SCHIP1: variants seen among roughly 807,000 people sequenced by gnomAD.
The protein encoded by SCHIP1 is schwannomin-interacting protein 1.
SCHIP1 carries 8 observed loss-of-function variants against 29.7 expected under a neutral mutation model. That is an observed-to-expected ratio of 0.27 (90% CI 0.16 to 0.49). The LOEUF (loss-of-function observed/expected upper bound fraction) is 0.49. Ranked by LOEUF, SCHIP1 falls within the 20% of genes least tolerant of loss-of-function variation. The probability of loss-of-function intolerance (pLI) is 0.99; values close to 1 mark genes in which losing one functional copy is unlikely to be tolerated. For missense variants in SCHIP1, 193 were observed against 294.6 expected (o/e 0.66, Z 2.52); for synonymous variants, 76 against 94.9 (o/e 0.80, Z 1.16).
the SCHIP1 span, among the ~76,000 whole-genome samples, chr3:159,694,249 C>T: frequency 2.0e-5 from 3 of 152,066 alleles, 1 homozygote; most frequent in Middle Eastern, 6.8e-3. Context: ...TAACCCTAAC[C>T]CTAACCCTAA....
At chr3:159,507,851 C>T in the SCHIP1 span, among the ~76,000 whole-genome samples, 39 of 152,278 alleles carry the variant, frequency 2.6e-4, no homozygotes, top group Admixed American at 2.0e-3. Flanking sequence ...TTTTGATGTC[C>T]TGCTGGATTC....
chr3:159,401,357 T>C, the SCHIP1 span: 2 of 973,152 alleles, frequency 2.1e-6, no homozygotes, highest in Non-Finnish European at 1.2e-6. Flanking sequence ...TGGGATGTAG[T>C]TCTAATGTAA....
the SCHIP1 span, among the ~76,000 whole-genome samples, chr3:159,599,007 T>C: frequency 6.6e-6 from 1 of 152,196 alleles, no homozygotes; most frequent in Non-Finnish European, 1.5e-5. Flanking sequence ...AAAGTCTATT[T>C]TATGTAATGT....
At chr3:159,284,863 GT>G in the SCHIP1 span, among the ~76,000 whole-genome samples, 2 of 152,060 alleles carry the variant, frequency 1.3e-5, no homozygotes, top group South Asian at 2.1e-4. Context: ...TAATTTATTT[GT>G]TTTGATGAAT....
At chr3:159,561,949 T>C in the SCHIP1 span, among the ~76,000 whole-genome samples, 2 of 152,236 alleles carry the variant, frequency 1.3e-5, no homozygotes, top group Non-Finnish European at 2.9e-5. Flanking sequence ...ACTTGAGCTT[T>C]ATATTTGTGA....
chr3:159,667,131 G>A, the SCHIP1 span, among the ~76,000 whole-genome samples: 1 of 152,202 alleles, frequency 6.6e-6, no homozygotes, highest in African/African-American at 2.4e-5. Flanking sequence ...AGTAGAGGGG[G>A]AGTGAGAACT....
intron 5 of SCHIP1, among the ~76,000 whole-genome samples, chr3:159,890,000 CAGG>C (rs1182353491): frequency 1.3e-5 from 2 of 151,654 alleles, no homozygotes; most frequent in Admixed American, 1.3e-4. Flanking sequence ...GAGGCTGAGG[CAGG>C]AGAATGGCGT....
At chr3:159,660,514 T>C in the SCHIP1 span, among the ~76,000 whole-genome samples, 1 of 152,130 alleles carries the variant, frequency 6.6e-6, no homozygotes, top group Admixed American at 6.5e-5. Context: ...TATATACACA[T>C]ACAGATCTAA....
the SCHIP1 span, among the ~76,000 whole-genome samples, chr3:159,801,245 A>G: frequency 1.3e-5 from 2 of 152,232 alleles, no homozygotes. Flanking sequence ...GGATGGTAAC[A>G]GTTACTGTAA....
At chr3:159,540,222 TG>T in the SCHIP1 span, among the ~76,000 whole-genome samples, 5 of 152,114 alleles carry the variant, frequency 3.3e-5, no homozygotes, top group East Asian at 9.7e-4. Flanking sequence ...GTAGGCCTGA[TG>T]TTTTTTAAAA....
the SCHIP1 span, among the ~76,000 whole-genome samples, chr3:159,593,684 C>G: frequency 1.3e-5 from 2 of 149,298 alleles, no homozygotes; most frequent in African/African-American, 5.2e-5. Flanking sequence ...CCCGCTGCCA[C>G]CCATTGTAGA....
At chr3:159,885,707 C>T (rs149770406) in intron 2 of SCHIP1, among the ~76,000 whole-genome samples, 23 of 152,308 alleles carry the variant, frequency 1.5e-4, no homozygotes, top group Non-Finnish European at 2.8e-4. Flanking sequence ...TTGGCAACTG[C>T]CTTAAAGATT....
At chr3:159,567,329 C>T in the SCHIP1 span, among the ~76,000 whole-genome samples, 3 of 152,238 alleles carry the variant, frequency 2.0e-5, no homozygotes, top group Middle Eastern at 3.4e-3. Context: ...TGAAGTTTTA[C>T]ATTTTAATGT....
At chr3:159,881,064 A>G (rs1716387775) in intron 2 of SCHIP1, among the ~76,000 whole-genome samples, 1 of 152,346 alleles carries the variant, frequency 6.6e-6, no homozygotes, top group African/African-American at 2.4e-5. Context: ...AAGGAGTAGC[A>G]GTACTTCATT....
At chr3:159,455,650 A>C in the SCHIP1 span, among the ~76,000 whole-genome samples, 1 of 152,250 alleles carries the variant, frequency 6.6e-6, no homozygotes, top group South Asian at 2.1e-4. Flanking sequence ...TGTCAAGCTG[A>C]CATGAAAATA....
At chr3:159,871,760 A>G (rs893526619) in intron 2 of SCHIP1, among the ~76,000 whole-genome samples, 6 of 143,930 alleles carry the variant, frequency 4.2e-5, no homozygotes, top group African/African-American at 1.5e-4. Flanking sequence ...AATTTTACTT[A>G]ATTTCCTTGA....
At chr3:159,315,198 T>C in the SCHIP1 span, among the ~76,000 whole-genome samples, 1 of 10,426 alleles carries the variant, frequency 9.6e-5, no homozygotes, top group Non-Finnish European at 2.6e-4. Flanking sequence ...TTAGGACTTC[T>C]TTTTTTTTTT....
the SCHIP1 span, among the ~76,000 whole-genome samples, chr3:159,626,278 A>C: frequency 1.4e-5 from 2 of 145,864 alleles, no homozygotes; most frequent in African/African-American, 2.6e-5. Context: ...ATAGATAGAT[A>C]GATAGATAGA....
chr3:159,476,042 G>T, the SCHIP1 span, among the ~76,000 whole-genome samples: 1 of 152,162 alleles, frequency 6.6e-6, no homozygotes, highest in Non-Finnish European at 1.5e-5. Flanking sequence ...GCCTGGTTAG[G>T]ATGTAGAAGC....
Sources: gnomAD v4.1 joint callset for allele counts (sites outside exome capture counted in the v4.1 genomes callset) on GRCh38, gnomAD v4.1.1 for gene constraint, MANE v1.5 for transcripts, NCBI Gene and HGNC (gene_info 2026-07-23, HGNC 2026-07-21) for gene names.